KANK1: variants seen among roughly 807,000 people sequenced by gnomAD.
KANK1 encodes KN motif and ankyrin repeat domains 1.
In KANK1, 109 loss-of-function variants were observed where a neutral mutation model predicts 106.2. That is an observed-to-expected ratio of 1.03 (90% CI 0.88 to 1.20). KANK1 has a LOEUF of 1.20. Ranked by LOEUF, KANK1 falls within the 50% of genes most tolerant of loss-of-function variation. The pLI, the probability that KANK1 is intolerant of heterozygous loss-of-function variation, is 0.00. For missense variants in KANK1, 2,399 were observed against 1,710.7 expected, an observed-to-expected ratio of 1.40 and a Z score of -7.10; for synonymous variants, 873 against 652.2, an observed-to-expected ratio of 1.34 and a Z score of -5.16.
intron 3 of KANK1, among the ~76,000 whole-genome samples, chr9:486,255 G>T (rs2058291611): frequency 6.6e-6 from 1 of 152,156 alleles, no homozygotes; most frequent in Admixed American, 6.5e-5. Context: ...TGCTTAACCA[G>T]GATACATAGG....
intron 1 of KANK1, among the ~76,000 whole-genome samples, chr9:565,634 C>A (rs1447074565): frequency 6.6e-6 from 1 of 152,130 alleles, no homozygotes; most frequent in Non-Finnish European, 1.5e-5. Context: ...AAACAGCCCT[C>A]ATTTGCTGAG....
intron 1 of KANK1, among the ~76,000 whole-genome samples, chr9:595,050 C>A (rs1336387661): frequency 6.6e-6 from 1 of 151,920 alleles, no homozygotes; most frequent in Non-Finnish European, 1.5e-5. Flanking sequence ...GAAAAGTTGC[C>A]TTTTAATTTA....
chr9:652,462 G>T (rs532120368), intron 1 of KANK1, among the ~76,000 whole-genome samples: 1 of 152,196 alleles, frequency 6.6e-6, no homozygotes, highest in African/African-American at 2.4e-5. Flanking sequence ...GGCAGAGTTT[G>T]CAGTGAGCCG....
Position 711,465 on chromosome 9 carries a change from C to A in KANK1, c.699C>A (p.Ser233=). ...GSYAPAAPTT[S]SMGSSIRHSP... is the part of the protein sequence containing the mutation. ...ATGCCCCAGCTGCTCCCACCACTTC[C>A]TCCATGGGGAGCTCCATCCGCCACA... The change falls in exon 3 of 12, where the codon TCC becomes TCA. Residue 233 remains serine, a synonymous_variant. Coordinates refer to ENST00000382297, the MANE Select transcript of KANK1 (RefSeq NM_015158.5). 1.2e-6 allele frequency: 2 copies of A among 1,614,160 alleles called. No homozygotes were observed. The highest frequency in any genetic ancestry group is 1.7e-6 in the Non-Finnish European group (2 of 1,180,022).
intron 1 of KANK1, among the ~76,000 whole-genome samples, chr9:587,465 A>G (rs1001559696): frequency 5.9e-5 from 9 of 152,232 alleles, no homozygotes; most frequent in African/African-American, 2.2e-4. Flanking sequence ...TAAGACTGAA[A>G]AAAATGGAGA....
chr9:614,068 A>C (rs190352968), intron 1 of KANK1, among the ~76,000 whole-genome samples: 50 of 152,312 alleles, frequency 3.3e-4, no homozygotes, highest in Non-Finnish European at 5.1e-4. Context: ...CAAGTCGGCC[A>C]GCAGAGTGCT....
chr9:744,698 T>C, intron 11 of KANK1, 109 bp downstream of exon 11: 1 of 1,594,526 alleles, frequency 6.3e-7, no homozygotes, highest in Non-Finnish European at 8.6e-7. Context: ...ATTCAGAAAA[T>C]GGAAGTTTTA....
intron 1 of KANK1, among the ~76,000 whole-genome samples, chr9:607,684 G>T (rs562763896): frequency 6.6e-6 from 1 of 151,626 alleles, no homozygotes; most frequent in East Asian, 1.9e-4. Context: ...CCCAGCAGCA[G>T]AGTGCTAGGA....
At chr9:685,297 GCTA>G (rs1171211598) in intron 2 of KANK1, among the ~76,000 whole-genome samples, 1 of 152,158 alleles carries the variant, frequency 6.6e-6, no homozygotes, top group Non-Finnish European at 1.5e-5. Flanking sequence ...TAAGTACGCT[GCTA>G]TTTTGAGATT....
chr9:735,670 C>T (rs1171506437), intron 7 of KANK1: 5 of 352,808 alleles, frequency 1.4e-5, no homozygotes, highest in East Asian at 7.8e-5. Flanking sequence ...TAAATTCTGC[C>T]ATATATTTTA....
intron 1 of KANK1, among the ~76,000 whole-genome samples, chr9:645,301 A>G (rs1165133621): frequency 2.0e-5 from 3 of 149,418 alleles, no homozygotes; most frequent in Non-Finnish European, 2.9e-5. Flanking sequence ...TTAGCAAGCC[A>G]TGGTGGTGGA....
intron 3 of KANK1, among the ~76,000 whole-genome samples, chr9:714,245 T>C (rs888100501): frequency 1.3e-5 from 2 of 151,914 alleles, no homozygotes; most frequent in Admixed American, 1.3e-4. Flanking sequence ...CAGGAGGCGA[T>C]AAATACTGTG....
intron 1 of KANK1, among the ~76,000 whole-genome samples, chr9:603,120 A>G (rs1430761608): frequency 2.6e-5 from 4 of 151,858 alleles, no homozygotes; most frequent in African/African-American, 7.3e-5. Context: ...GAGTAGATTT[A>G]TATCAGGATT....
intron 1 of KANK1, among the ~76,000 whole-genome samples, chr9:653,451 A>G (rs770039075): frequency 7.2e-5 from 11 of 152,144 alleles, no homozygotes; most frequent in Non-Finnish European, 1.5e-5. Context: ...GATTAAATTA[A>G]TAGGACTTTT....
chr9:615,900 G>T lies in KANK1; in HGVS notation c.-83-60990G>T, dbSNP rs189615249. Among the ~76,000 whole-genome samples, 4 of 152,292 alleles carry T rather than the reference G, an allele frequency of 2.6e-5. No homozygotes were observed. The East Asian group carries it at 7.7e-4, about 29-fold the overall frequency. On this transcript the variant is annotated intron_variant, in intron 1 of 11. Coordinates refer to ENST00000382297, the MANE Select transcript of KANK1 (RefSeq NM_015158.5). ...AATGCTGGCCTACTTCTGGTCCTTG[G>T]TATGCCAGGATCCAAAGGTGGTGCC... is the stretch of plus-strand genomic sequence containing the variant.
At chr9:611,287 C>G (rs1430880985) in intron 1 of KANK1, among the ~76,000 whole-genome samples, 1 of 152,184 alleles carries the variant, frequency 6.6e-6, no homozygotes, top group Non-Finnish European at 1.5e-5. Flanking sequence ...GTCACTGAAC[C>G]AAGAGCCCAG....
chr9:568,789 A>AT (rs1457531322), intron 1 of KANK1, among the ~76,000 whole-genome samples: 5 of 152,188 alleles, frequency 3.3e-5, no homozygotes, highest in Admixed American at 6.5e-5. Flanking sequence ...GCCAAGGTTG[A>AT]TTTTTTAAAA....
At chr9:642,776 T>G (rs1838773581) in intron 1 of KANK1, among the ~76,000 whole-genome samples, 2 of 149,784 alleles carry the variant, frequency 1.3e-5, no homozygotes, top group South Asian at 4.2e-4. Flanking sequence ...TTTTTTTTTC[T>G]CTATCTAGTG....
chr9:626,711 C>A (rs998801298), intron 1 of KANK1, among the ~76,000 whole-genome samples: 2 of 152,216 alleles, frequency 1.3e-5, no homozygotes, highest in African/African-American at 2.4e-5. Context: ...ACAAAACCCA[C>A]CAATTCAGGA....
Sources: allele counts gnomAD v4.1 joint callset (sites outside exome capture counted in the v4.1 genomes callset), GRCh38; gene constraint gnomAD v4.1.1; transcripts MANE v1.5; gene names NCBI Gene and HGNC (gene_info 2026-07-23, HGNC 2026-07-21).